Variants in SENP1 observed in about 807,000 individuals in gnomAD.
SENP1 encodes the protein sentrin-specific protease 1.
SENP1 carries 21 observed loss-of-function variants against 93.0 expected under a neutral mutation model. That is an observed-to-expected ratio of 0.23 (90% CI 0.16 to 0.33). SENP1 has a LOEUF of 0.33. SENP1 is among the 10% of genes least tolerant of loss of function. The pLI is 1.00. For synonymous variants in SENP1, 256 were observed against 259.6 expected (o/e 0.99, Z 0.13); for missense variants, 591 against 758.7 (o/e 0.78, Z 2.60).
At chr12:48,056,049 T>C (rs1339625965) in intron 13 of SENP1, among the ~76,000 whole-genome samples, 1 of 126,610 alleles carries the variant, frequency 7.9e-6, no homozygotes, top group African/African-American at 3.2e-5. Flanking sequence ...TATAAATATA[T>C]ACTGTATACT....
Position 48,097,986 on chromosome 12 carries a change from C to A in SENP1, c.135+8G>T, listed in dbSNP as rs776047499. 7.4e-6 allele frequency: 12 copies of A among 1,612,126 alleles called. No individual in the cohort carries two copies. The East Asian group carries it at 1.8e-4, about 24-fold the overall frequency. On this transcript the variant is annotated splice_region_variant and intron_variant, in intron 3 of 17. Coordinates refer to ENST00000549518, the MANE Select transcript of SENP1 (RefSeq NM_001267594.2). ...TTAATTAATTAAAGGAAGAAAATTG[C>A]TCCTAACCTGCTGGTCAGAAAGCGA... is the stretch of plus-strand genomic sequence containing the variant.
intron 13 of SENP1, among the ~76,000 whole-genome samples, chr12:48,059,293 T>C (rs1052586278): frequency 6.6e-5 from 10 of 152,206 alleles, no homozygotes; most frequent in Admixed American, 3.3e-4. Context: ...ATATCTTTCT[T>C]TGGCTTTTTT....
intron 13 of SENP1, among the ~76,000 whole-genome samples, chr12:48,056,100 A>G (rs1463879136): frequency 8.3e-6 from 1 of 121,074 alleles, no homozygotes; most frequent in African/African-American, 3.4e-5. Context: ...TACAGTATAT[A>G]TTATTTAATA....
intron 9 of SENP1, among the ~76,000 whole-genome samples, chr12:48,068,891 G>C (rs1417696996): frequency 6.6e-6 from 1 of 152,040 alleles, no homozygotes. Context: ...AGTGGCTCAT[G>C]CCTGTAATCC....
At chr12:48,056,810 TTAC>T (rs1177676912) in intron 13 of SENP1, among the ~76,000 whole-genome samples, 3 of 67,412 alleles carry the variant, frequency 4.5e-5, no homozygotes, top group African/African-American at 1.9e-4. Flanking sequence ...ATATTACATA[TTAC>T]ATATATAAAT....
chr12:48,074,819 AGTT>A, intron 6 of SENP1, 26 bp from the exon 7 acceptor site: 2 of 1,411,756 alleles, frequency 1.4e-6, no homozygotes, highest in Non-Finnish European at 2.0e-6. Flanking sequence ...AAAAAAAAAC[AGTT>A]TAAACACATC....
chr12:48,088,206 CCAT>C (rs1252674826), intron 5 of SENP1, among the ~76,000 whole-genome samples: 3 of 152,092 alleles, frequency 2.0e-5, no homozygotes, highest in African/African-American at 7.2e-5. Flanking sequence ...GCACACACCA[CCAT>C]GCCTGGCTAA....
At position 48,069,152 on chromosome 12, in the gene SENP1, CAAAAAAA is replaced by C. The variant is rs10564674; in HGVS notation, c.996-2194_996-2188del. 4.7e-4 allele frequency among the ~76,000 whole-genome samples: 36 copies of C among 76,340 alleles called. No homozygotes were observed. In the South Asian group the frequency reaches 0.021, roughly 44 times the overall value. 50.1% of individuals were successfully genotyped at this position (76,340 alleles called of 152,430 possible). A position where few individuals can be genotyped will look rare whatever the true frequency, so the allele number is the denominator to read the frequency against. ...TGGATGATAGAGCAAGACTCTGTCACAAAAAAAAAAAAAAAAAAAAAAAAAAGAAAGA... is the reference window on the plus strand; with the variant it reads ...TGGATGATAGAGCAAGACTCTGTCACAAAAAAAAAAAAAAAAAAAGAAAGA... On this transcript the variant is annotated intron_variant, in intron 9 of 17. Coordinates refer to ENST00000549518, the MANE Select transcript of SENP1 (RefSeq NM_001267594.2).
At chr12:48,073,244 TG>T (rs1943836841) in intron 8 of SENP1, among the ~76,000 whole-genome samples, 2 of 151,870 alleles carry the variant, frequency 1.3e-5, no homozygotes. Context: ...TGCAACACAA[TG>T]TATGTTTCTG....
At chr12:48,089,559 A>T (rs974080255) in intron 4 of SENP1, among the ~76,000 whole-genome samples, 8 of 152,238 alleles carry the variant, frequency 5.3e-5, no homozygotes, top group Non-Finnish European at 2.9e-5. Context: ...ATAATCAAAC[A>T]TATTATTACT....
chr12:48,085,096 G>A, intron 5 of SENP1: 2 of 1,381,156 alleles, frequency 1.4e-6, no homozygotes, highest in African/African-American at 1.4e-5. Flanking sequence ...GCAGTGATCA[G>A]AGACAAGGAC....
At chr12:48,052,936 CAT>C (rs113027265) in intron 13 of SENP1, among the ~76,000 whole-genome samples, 3,678 of 152,310 alleles carry the variant, frequency 0.024, 114 homozygotes, top group African/African-American at 0.064. Flanking sequence ...GTGGATTCAT[CAT>C]AGTCACTTAA....
rs746328050 is a variant in SENP1, at chr12:48,047,098, G to T, written c.1692-36C>A. On this transcript the variant is annotated intron_variant, in intron 15 of 17. Coordinates refer to ENST00000549518, the MANE Select transcript of SENP1 (RefSeq NM_001267594.2). ...CAGGAGAGAATGAGATAAGCAGTGGGGAACATCGATGACAGCTGCCACACT... is the reference window on the plus strand; with the variant it reads ...CAGGAGAGAATGAGATAAGCAGTGGTGAACATCGATGACAGCTGCCACACT... The T allele has an allele frequency of 5.9e-6, 8 of 1,354,242 alleles. No individual in the cohort carries two copies. The South Asian group carries it at 9.6e-5, about 16-fold the overall frequency. The allele number at this position is 1,354,242 out of a possible 1,614,324, so 83.9% of individuals were successfully genotyped here.
At chr12:48,087,135 CTAAA>C (rs1266875992) in intron 5 of SENP1, among the ~76,000 whole-genome samples, 1 of 152,074 alleles carries the variant, frequency 6.6e-6, no homozygotes, top group Non-Finnish European at 1.5e-5. Flanking sequence ...AGATGCAAAA[CTAAA>C]CTAACTATAA....
chr12:48,069,464 C>T (rs1943531875), intron 9 of SENP1, among the ~76,000 whole-genome samples: 1 of 152,150 alleles, frequency 6.6e-6, no homozygotes, highest in Admixed American at 6.5e-5. Flanking sequence ...CCTGCCATCT[C>T]ATTCTTTAGT....
chr12:48,057,941 CTTTTTTTTTTTTT>C (rs370210767), intron 13 of SENP1, among the ~76,000 whole-genome samples: 3 of 85,690 alleles, frequency 3.5e-5, no homozygotes, highest in African/African-American at 4.9e-5. Flanking sequence ...TTTATTTCCT[CTTTTTTTTTTTTT>C]TTTTTTTTTT....
At chr12:48,065,810 C>T in intron 10 of SENP1, 130 bp from the exon 11 acceptor site, 1 of 602,822 alleles carries the variant, frequency 1.7e-6, no homozygotes, top group Non-Finnish European at 2.9e-6. Flanking sequence ...AACTTATCAT[C>T]CTTATTTTAA....
intron 13 of SENP1, among the ~76,000 whole-genome samples, chr12:48,058,424 C>T (rs1184745169): frequency 6.6e-6 from 1 of 151,976 alleles, no homozygotes; most frequent in Non-Finnish European, 1.5e-5. Flanking sequence ...CTTTTTTCTT[C>T]TTTCCAACTC....
At chr12:48,099,037 C>T (rs866217620) in intron 2 of SENP1, 34 of 151,974 alleles carry the variant, frequency 2.2e-4, no homozygotes, top group African/African-American at 7.5e-4. Context: ...TTAAAAATAA[C>T]GAGACCAGGC....
Sources: gnomAD v4.1 joint callset for allele counts (sites outside exome capture counted in the v4.1 genomes callset) on GRCh38, gnomAD v4.1.1 for gene constraint, MANE v1.5 for transcripts, NCBI Gene and HGNC (gene_info 2026-07-23, HGNC 2026-07-21) for gene names.